Variants in ARFGEF3 observed in about 807,000 individuals in gnomAD.
ARFGEF3 encodes the protein brefeldin A-inhibited guanine nucleotide-exchange protein 3.
A neutral mutation model predicts 221.7 loss-of-function variants in ARFGEF3; 96 were observed. The ratio of observed to expected loss-of-function variants is 0.43; its 90% confidence interval spans 0.37 to 0.51. The LOEUF is 0.51. ARFGEF3 is among the 20% of genes least tolerant of loss of function. The pLI is 0.00. For synonymous variants in ARFGEF3, 1,145 were observed against 1,126.8 expected (o/e 1.02, Z -0.32); for missense variants, 2,410 against 2,789.9 (o/e 0.86, Z 3.07).
chr6:138,319,449 A>T (rs2114677305), intron 27 of ARFGEF3, among the ~76,000 whole-genome samples: 1 of 152,180 alleles, frequency 6.6e-6, no homozygotes, highest in Non-Finnish European at 1.5e-5. Context: ...AGCAGGTGAT[A>T]TTTTAGCTTT....
At chr6:138,212,470 A>G (rs1353284649) in intron 4 of ARFGEF3, among the ~76,000 whole-genome samples, 1 of 152,240 alleles carries the variant, frequency 6.6e-6, no homozygotes, top group African/African-American at 2.4e-5. Flanking sequence ...CAATTCCTCA[A>G]GGACCTAGAA....
chr6:138,265,055 C>T (rs1358285519), intron 12 of ARFGEF3, among the ~76,000 whole-genome samples: 7 of 152,038 alleles, frequency 4.6e-5, no homozygotes, highest in South Asian at 2.1e-4. Flanking sequence ...AGGCGCCCAC[C>T]ACCACACCGG....
At chr6:138,273,310 A>G (rs1448315376) in intron 12 of ARFGEF3, among the ~76,000 whole-genome samples, 1 of 152,210 alleles carries the variant, frequency 6.6e-6, no homozygotes, top group Non-Finnish European at 1.5e-5. Context: ...CACAGAAGAG[A>G]TTTTAAGAGG....
chr6:138,254,777 C>T (rs1483596638), intron 9 of ARFGEF3, among the ~76,000 whole-genome samples: 1 of 152,172 alleles, frequency 6.6e-6, no homozygotes, highest in Non-Finnish European at 1.5e-5. Flanking sequence ...AGACCAAACT[C>T]CGCAGAAAAA....
chr6:138,176,041 C>G (rs1776939398), intron 2 of ARFGEF3, among the ~76,000 whole-genome samples: 1 of 152,028 alleles, frequency 6.6e-6, no homozygotes, highest in African/African-American at 2.4e-5. Flanking sequence ...TCTGTTTTAT[C>G]TGACATAAGT....
intron 28 of ARFGEF3, among the ~76,000 whole-genome samples, chr6:138,320,452 G>C (rs1382818053): frequency 6.6e-6 from 1 of 152,228 alleles, no homozygotes; most frequent in Non-Finnish European, 1.5e-5. Context: ...AGAGGCAGGG[G>C]ATGTGTTCAC....
At chr6:138,292,629 T>C (rs984767106) in intron 19 of ARFGEF3, among the ~76,000 whole-genome samples, 2 of 152,160 alleles carry the variant, frequency 1.3e-5, no homozygotes, top group Admixed American at 1.3e-4. Flanking sequence ...CACTTACCTC[T>C]TCAGTGTTTG....
At chr6:138,234,521 G>T (rs576860205) in intron 5 of ARFGEF3, among the ~76,000 whole-genome samples, 1 of 151,896 alleles carries the variant, frequency 6.6e-6, no homozygotes, top group African/African-American at 2.4e-5. Flanking sequence ...GCATCAGCAG[G>T]ACCCATTTGA....
At chr6:138,198,121 G>C (rs1479613151) in intron 2 of ARFGEF3, among the ~76,000 whole-genome samples, 1 of 152,152 alleles carries the variant, frequency 6.6e-6, no homozygotes, top group East Asian at 1.9e-4. Context: ...GTAAAGTATA[G>C]GCATAACCAT....
At chr6:138,319,642 G>A (rs555848373) in intron 27 of ARFGEF3, 61 bp from the exon 28 acceptor site, 3 of 1,217,316 alleles carry the variant, frequency 2.5e-6, no homozygotes, top group South Asian at 1.5e-5. Flanking sequence ...ACAATGCCAG[G>A]TGGAGGCAAA....
At chr6:138,184,462 C>A (rs1777143322) in intron 2 of ARFGEF3, among the ~76,000 whole-genome samples, 1 of 152,272 alleles carries the variant, frequency 6.6e-6, no homozygotes, top group Non-Finnish European at 1.5e-5. Flanking sequence ...ATTAAGGTTT[C>A]CCCGCTCCTG....
chr6:138,178,548 C>A (rs1010791941), intron 2 of ARFGEF3, among the ~76,000 whole-genome samples: 9 of 152,174 alleles, frequency 5.9e-5, no homozygotes, highest in Admixed American at 5.9e-4. Context: ...CTTACATAAT[C>A]CTGTCGTGAA....
chr6:138,252,084 T>A (rs1778593059), intron 8 of ARFGEF3, among the ~76,000 whole-genome samples: 1 of 152,170 alleles, frequency 6.6e-6, no homozygotes, highest in Admixed American at 6.5e-5. Context: ...ATAACTTTTG[T>A]GGAGACTCAG....
intron 4 of ARFGEF3, among the ~76,000 whole-genome samples, chr6:138,219,761 A>G (rs1777943360): frequency 6.6e-6 from 1 of 152,044 alleles, no homozygotes; most frequent in Non-Finnish European, 1.5e-5. Flanking sequence ...ATCAGGTCTC[A>G]ATATTTATAT....
chr6:138,326,588 A>G (rs1322166082), intron 31 of ARFGEF3, among the ~76,000 whole-genome samples: 1 of 152,242 alleles, frequency 6.6e-6, no homozygotes, highest in African/African-American at 2.4e-5. Context: ...CAGAATGGCT[A>G]TTAGTAAAAA....
chr6:138,278,240 G>A (rs1033679179), intron 12 of ARFGEF3, among the ~76,000 whole-genome samples: 9 of 152,160 alleles, frequency 5.9e-5, no homozygotes, highest in Non-Finnish European at 7.4e-5. Context: ...CAGGATCCAG[G>A]CCCAGGCAGA....
intron 4 of ARFGEF3, among the ~76,000 whole-genome samples, chr6:138,210,960 TG>T (rs928917979): frequency 1.3e-5 from 2 of 152,174 alleles, no homozygotes; most frequent in African/African-American, 4.8e-5. Flanking sequence ...ACCCTGTTGG[TG>T]GGTAGTTCAG....
At chr6:138,181,009 A>C (rs1016985054) in intron 2 of ARFGEF3, among the ~76,000 whole-genome samples, 1 of 152,214 alleles carries the variant, frequency 6.6e-6, no homozygotes, top group Non-Finnish European at 1.5e-5. Flanking sequence ...TGATAATACC[A>C]TTCTATTTCC....
In ARFGEF3 at chr6:138,291,820, G is replaced by C. The variant is rs767809778; in HGVS notation, c.3135G>C (p.Lys1045Asn). ...CTCTGACCATCAGCCAGCCCCAGAA[G>C]GCCACTGGAAGCGCTGGCCTCCTTG... ...QPPLTISQPQ[K>N]ATGSAGLLGD... Residue 1045 changes from lysine (K) to asparagine (N), a missense_variant, in exon 19 of 34, where the codon AAG becomes AAC. By Grantham distance (94) the Lys-to-Asn change is moderately conservative. Transcript: ENST00000251691. The surrounding 1 kb of genome is among the most constrained non-coding windows in gnomAD (Gnocchi z 4.5). 9.4e-6 allele frequency: 14 copies of C among 1,494,452 alleles called. No homozygotes were observed. The African/African-American group carries it at 2.0e-4, about 22-fold the overall frequency. 92.6% of individuals were successfully genotyped at this position (1,494,452 alleles called of 1,614,324 possible).
Sources: gnomAD v4.1 joint callset for allele counts (sites outside exome capture counted in the v4.1 genomes callset) on GRCh38, gnomAD v4.1.1 for gene constraint, Gnocchi (gnomAD v3.1) non-coding constraint, MANE v1.5 for transcripts, NCBI Gene and HGNC (gene_info 2026-07-23, HGNC 2026-07-21) for gene names.